Variants in OLFML1 observed in about 807,000 individuals in gnomAD.
OLFML1 encodes the protein olfactomedin-like protein 1.
In OLFML1, 33 loss-of-function variants were observed where a neutral mutation model predicts 37.3. That is an observed-to-expected ratio of 0.88 (90% CI 0.67 to 1.18). The LOEUF (loss-of-function observed/expected upper bound fraction) is 1.18. OLFML1 is among the 50% of genes most tolerant of loss of function. The probability of loss-of-function intolerance (pLI) is 0.00; values close to 1 mark genes in which losing one functional copy is unlikely to be tolerated. For missense variants in OLFML1, 545 were observed against 483.7 expected, an observed-to-expected ratio of 1.13 and a Z score of -1.19; for synonymous variants, 186 against 181.3, an observed-to-expected ratio of 1.03 and a Z score of -0.21.
intron 2 of OLFML1, among the ~76,000 whole-genome samples, chr11:7,505,629 G>C (rs919222195): frequency 6.6e-6 from 1 of 152,164 alleles, no homozygotes; most frequent in Non-Finnish European, 1.5e-5. Context: ...CCTAGAGTTT[G>C]AGACTAGCCT....
intron 2 of OLFML1, among the ~76,000 whole-genome samples, chr11:7,493,184 C>A (rs938855318): frequency 1.3e-5 from 2 of 152,156 alleles, no homozygotes; most frequent in Non-Finnish European, 2.9e-5. Context: ...CCTCAAGTAA[C>A]CTTCACCCTG....
intron 2 of OLFML1, among the ~76,000 whole-genome samples, chr11:7,496,305 A>G (rs1337556882): frequency 1.3e-5 from 2 of 152,236 alleles, no homozygotes; most frequent in African/African-American, 4.8e-5. Flanking sequence ...CTGGCTCTGA[A>G]GCTCACCCCT....
intron 1 of OLFML1, among the ~76,000 whole-genome samples, chr11:7,487,402 G>A (rs866364194): frequency 6.6e-6 from 1 of 152,174 alleles, no homozygotes; most frequent in African/African-American, 2.4e-5. Context: ...ACAGCCTTAC[G>A]TATTGTTGTT....
At position 7,485,978 on chromosome 11, in the gene OLFML1, A is replaced by G. The variant is rs1848516608; in HGVS notation, c.103A>G (p.Ile35Val). 1 of 1,613,932 alleles carries G rather than the reference A, an allele frequency of 6.2e-7. No individual in the cohort carries two copies. ...CCAGGACCCAGCCATGGTGCATTAC[A>G]TCTACCAGCGCTTTCGAGTCTTGGA... ...CTQDPAMVHYIYQRFRVLEQG... is the reference protein window; with the variant it reads ...CTQDPAMVHYVYQRFRVLEQG... The change falls in exon 1 of 3, where the codon ATC becomes GTC. Residue 35 changes from isoleucine (I) to valine (V), a missense_variant. Coordinates refer to ENST00000329293, the MANE Select transcript of OLFML1 (RefSeq NM_198474.4).
chr11:7,498,049 T>A (rs1267529263), intron 2 of OLFML1, among the ~76,000 whole-genome samples: 1 of 152,206 alleles, frequency 6.6e-6, no homozygotes, highest in Non-Finnish European at 1.5e-5. Context: ...TTCTGCACAA[T>A]CTGAATCTAA....
chr11:7,488,101 T>C, intron 1 of OLFML1, 26 bp from the exon 2 acceptor site: 1 of 1,567,162 alleles, frequency 6.4e-7, no homozygotes, highest in South Asian at 1.2e-5. Flanking sequence ...CAAGCAATAA[T>C]TTGCAAATTT....
chr11:7,510,146 C>A lies in OLFML1; in HGVS notation c.1167C>A (p.Ile389=). The A allele has an allele frequency of 6.2e-7, 1 of 1,612,460 alleles. No individual in the cohort carries two copies. Among genetic ancestry groups the A allele is most frequent in the Non-Finnish European group, 8.5e-7 (1 of 1,179,852 alleles). The change falls in exon 3 of 3, where the codon ATC becomes ATA. Residue 389 remains isoleucine, a synonymous_variant. Coordinates refer to ENST00000329293, the MANE Select transcript of OLFML1 (RefSeq NM_198474.4). ...ATGCCTGGAATGAAGGAAACCAGATCATTTACAAACTCCAGACAAAGAGAA... is the reference window on the plus strand; with the variant it reads ...ATGCCTGGAATGAAGGAAACCAGATAATTTACAAACTCCAGACAAAGAGAA... ...QLYAWNEGNQ[I]IYKLQTKRKL...
chr11:7,504,025 G>A (rs1021578619), intron 2 of OLFML1, among the ~76,000 whole-genome samples: 4 of 152,152 alleles, frequency 2.6e-5, no homozygotes, highest in African/African-American at 7.2e-5. Context: ...AATAACAAAT[G>A]TATGTCAGAC....
rs770739191 is a variant in OLFML1 at position 7,488,333 on chromosome 11, C to T, written c.336C>T (p.Ile112=). The T allele has an allele frequency of 3.8e-5, 62 of 1,613,814 alleles. No individual in the cohort carries two copies. The highest frequency in any genetic ancestry group is 8.3e-5 in the Admixed American group (5 of 59,988). The part of the protein sequence containing the change: ...IQYLREADEC[I]ESEDKTLAEM... ...ACCTTCGAGAGGCTGACGAGTGCATCGAATCAGAGGACAAGACACTGGCAG... is the reference window on the plus strand; with the variant it reads ...ACCTTCGAGAGGCTGACGAGTGCATTGAATCAGAGGACAAGACACTGGCAG... Residue 112 remains isoleucine (I), a synonymous_variant, in exon 2 of 3, where the codon ATC becomes ATT. Transcript: ENST00000329293.
rs767275104 is a variant in OLFML1 at position 7,510,090 on chromosome 11, A to G, written c.1111A>G (p.Ile371Val). The G allele has an allele frequency of 4.3e-6, 7 of 1,614,216 alleles. No homozygotes were observed. Among genetic ancestry groups the G allele is most frequent in the Admixed American group, 1.7e-5 (1 of 60,022 alleles). Residue 371 changes from isoleucine (I) to valine (V), a missense_variant, in exon 3 of 3, where the codon ATC becomes GTC. Transcript: ENST00000329293. ...FPKRPRSHSM[I>V]HYNPRDKQLY... ...CAAGAGACCAAGAAGTCACTCCATG[A>G]TCCATTACAACCCCAGAGATAAGCA...
intron 2 of OLFML1, among the ~76,000 whole-genome samples, chr11:7,495,855 A>G (rs1848656436): frequency 6.6e-6 from 1 of 152,178 alleles, no homozygotes; most frequent in Non-Finnish European, 1.5e-5. Context: ...CACACAGCCC[A>G]TCTCTTCTCC....
intron 2 of OLFML1, among the ~76,000 whole-genome samples, chr11:7,489,805 C>T (rs1848573780): frequency 1.3e-5 from 2 of 152,156 alleles, no homozygotes; most frequent in South Asian, 2.1e-4. Flanking sequence ...CTTAGGTCAT[C>T]GAATGGTTGG....
intron 2 of OLFML1, among the ~76,000 whole-genome samples, chr11:7,499,110 G>T (rs2134182057): frequency 6.6e-6 from 1 of 152,320 alleles, no homozygotes; most frequent in East Asian, 1.9e-4. Context: ...GTATTTAAAA[G>T]ATTCAATTAA....
chr11:7,501,998 A>G (rs1848730282), intron 2 of OLFML1, among the ~76,000 whole-genome samples: 1 of 152,222 alleles, frequency 6.6e-6, no homozygotes, highest in Admixed American at 6.5e-5. Context: ...TAAGAATATG[A>G]TAAGTGATCT....
intron 2 of OLFML1, among the ~76,000 whole-genome samples, chr11:7,489,340 G>C (rs1431350173): frequency 6.6e-6 from 1 of 152,112 alleles, no homozygotes; most frequent in African/African-American, 2.4e-5. Flanking sequence ...AATGAGTAGA[G>C]GGTACTTCAA....
rs993830400 is a variant in OLFML1 at position 7,511,004 on chromosome 11, T to C, written c.*816T>C. The C allele has an allele frequency of 6.6e-6, 1 of 152,226 alleles. No individual in the cohort carries two copies. Among genetic ancestry groups the C allele is most frequent in the African/African-American group, 2.4e-5 (1 of 41,458 alleles). The allele number at this position is 152,226 out of a possible 1,614,324, so 9.4% of individuals were successfully genotyped here. The stretch of plus-strand genomic sequence containing the variant: ...TCTTTACAGCTGTCATTCTAGAGTT[T>C]AGGTGAGTAACACAATTACAAAGTG... On this transcript the variant is annotated 3_prime_UTR_variant, in exon 3 of 3. Coordinates refer to ENST00000329293, the MANE Select transcript of OLFML1 (RefSeq NM_198474.4).
At chr11:7,500,637 C>T (rs1848709981) in intron 2 of OLFML1, among the ~76,000 whole-genome samples, 1 of 151,878 alleles carries the variant, frequency 6.6e-6, no homozygotes, top group Non-Finnish European at 1.5e-5. Context: ...ATGAGTTCTA[C>T]ATTTTAGAAA....
intron 2 of OLFML1, among the ~76,000 whole-genome samples, chr11:7,508,387 G>C (rs1483221988): frequency 1.3e-5 from 2 of 152,306 alleles, no homozygotes; most frequent in East Asian, 3.9e-4. Flanking sequence ...TAATCTTAGA[G>C]TACTTTCCTG....
At chr11:7,506,261 GGATAATTCATC>G (rs1848784765) in intron 2 of OLFML1, among the ~76,000 whole-genome samples, 1 of 152,076 alleles carries the variant, frequency 6.6e-6, no homozygotes, top group South Asian at 2.1e-4. Flanking sequence ...AACAGAAAAG[GGATAATTCATC>G]AAGGAAGTCT....
Sources: allele counts gnomAD v4.1 joint callset (sites outside exome capture counted in the v4.1 genomes callset), GRCh38; gene constraint gnomAD v4.1.1; transcripts MANE v1.5; gene names NCBI Gene and HGNC (gene_info 2026-07-23, HGNC 2026-07-21).